TRRAP: variants seen among roughly 807,000 people sequenced by gnomAD.
TRRAP encodes the protein transformation/transcription domain associated protein.
In TRRAP, 41 loss-of-function variants were observed where a neutral mutation model predicts 438.8. The observed-to-expected ratio is 0.09, with a 90% CI of 0.07 to 0.12. The LOEUF is 0.12. TRRAP is among the 10% of genes least tolerant of loss of function. The probability of loss-of-function intolerance (pLI) is 1.00; values close to 1 mark genes in which losing one functional copy is unlikely to be tolerated. For missense variants in TRRAP, 3,122 were observed against 5,055.1 expected (o/e 0.62, Z 11.60); for synonymous variants, 1,994 against 1,962.9 (o/e 1.02, Z -0.42).
chr7:98,880,283 A>G (rs1795369026), intron 1 of TRRAP, among the ~76,000 whole-genome samples: 2 of 35,300 alleles, frequency 5.7e-5, no homozygotes, highest in Non-Finnish European at 1.3e-4. Context: ...TTTTTTTCCG[A>G]GACTGAACCT....
At position 98,933,261 on chromosome 7, in the gene TRRAP, C is replaced by T. The variant is rs376448847; in HGVS notation, c.3873C>T (p.Pro1291=). 5.0e-5 allele frequency: 81 copies of T among 1,613,512 alleles called. No individual in the cohort carries two copies. In the African/African-American group the frequency reaches 8.4e-4, roughly 17 times the overall value. ...PHKEVLQDMV[P]PKKHLLRHQP... The stretch of plus-strand genomic sequence containing the variant: ...CCCAGGTCCTGCAGGATATGGTCCC[C>T]CCTAAGAAGCACCTGCTCCGACACC... The change falls in exon 27 of 73, where the codon CCC becomes CCT. Residue 1291 remains proline (P), a synonymous_variant. Transcript: ENST00000456197.
chr7:98,997,514 T>TAAAAAAAAAAAA (rs1793725709), intron 67 of TRRAP, among the ~76,000 whole-genome samples: 1 of 83,054 alleles, frequency 1.2e-5, no homozygotes, highest in East Asian at 5.2e-4. Context: ...AAAAAAAAAT[T>TAAAAAAAAAAAA]AGAGTAGGAA....
At position 98,931,703 on chromosome 7, in the gene TRRAP, A is replaced by G. The variant is rs17161515; in HGVS notation, c.3852+38A>G. On this transcript the variant is annotated intron_variant, in intron 26 of 72. Coordinates refer to ENST00000456197, the MANE Select transcript of TRRAP (RefSeq NM_001375524.1). ...TCACCAGAACCAAGGTAATTTCAAC[A>G]AAACTTTTGAGCCTTTTTTTTAAAT... 11,420 of 1,589,136 alleles carry G rather than the reference A, an allele frequency of 7.2e-3. 627 individuals are homozygous for G. In the African/African-American group the frequency reaches 0.13, roughly 18 times the overall value.
intron 18 of TRRAP, among the ~76,000 whole-genome samples, chr7:98,914,512 C>G (rs782323343): frequency 1.3e-5 from 2 of 151,528 alleles, no homozygotes; most frequent in Non-Finnish European, 2.9e-5. Context: ...CTATGCAGAA[C>G]AACAGCAAAA....
At chr7:98,900,909 C>A (rs1481767779) in intron 11 of TRRAP, among the ~76,000 whole-genome samples, 189 bp downstream of exon 11, 1 of 152,180 alleles carries the variant, frequency 6.6e-6, no homozygotes, top group Non-Finnish European at 1.5e-5. Flanking sequence ...TTCTTCCCAC[C>A]ACCTCCATTC....
chr7:98,970,751 A>G (rs1224943897), intron 52 of TRRAP, among the ~76,000 whole-genome samples: 1 of 152,204 alleles, frequency 6.6e-6, no homozygotes, highest in South Asian at 2.1e-4. Context: ...TGTTCATTAC[A>G]GAAAGCGCTG....
At chr7:98,917,782 C>T in intron 20 of TRRAP, 103 bp downstream of exon 20, 1 of 1,420,766 alleles carries the variant, frequency 7.0e-7, no homozygotes, top group Non-Finnish European at 9.4e-7. Flanking sequence ...TGGACCAGTG[C>T]AGCTCTCTGT....
chr7:98,986,168 ATT>A (rs1562972094), intron 62 of TRRAP, among the ~76,000 whole-genome samples: 1 of 151,968 alleles, frequency 6.6e-6, no homozygotes, highest in East Asian at 1.9e-4. Context: ...ATATCCATAC[ATT>A]TTGTTTATCC....
chr7:98,953,440 T>C lies in TRRAP; in HGVS notation c.5730+7T>C. 1 of 1,606,552 alleles carries C rather than the reference T, an allele frequency of 6.2e-7. No homozygotes were observed. Among genetic ancestry groups the C allele is most frequent in the Non-Finnish European group, 8.5e-7 (1 of 1,178,810 alleles). ...CAAGAAGATCGTCCTGCAGGTATTTTGCAAGCCCCTCCTGTCCGCCGACAT... is the reference window on the plus strand; with the variant it reads ...CAAGAAGATCGTCCTGCAGGTATTTCGCAAGCCCCTCCTGTCCGCCGACAT... On this transcript the variant is annotated splice_region_variant and intron_variant, in intron 40 of 72. Coordinates refer to ENST00000456197, the MANE Select transcript of TRRAP (RefSeq NM_001375524.1).
At position 98,888,748 on chromosome 7, in the gene TRRAP, C is replaced by T. The variant is rs572336535; in HGVS notation, c.151-1587C>T. ...TGTCACTTCAGGAAGGTGTCCTCCGCCCTTGGTTACATTTAGTAAATGATG... is the reference window on the plus strand; with the variant it reads ...TGTCACTTCAGGAAGGTGTCCTCCGTCCTTGGTTACATTTAGTAAATGATG... On this transcript the variant is annotated intron_variant, in intron 3 of 72. Coordinates refer to ENST00000456197, the MANE Select transcript of TRRAP (RefSeq NM_001375524.1). Among the ~76,000 whole-genome samples the T allele has an allele frequency of 2.6e-5, 4 of 152,274 alleles. No individual in the cohort carries two copies. In the South Asian group the frequency reaches 8.3e-4, roughly 32 times the overall value.
At chr7:98,983,503 A>G (rs1793021580) in intron 60 of TRRAP, 44 bp downstream of exon 60, 2 of 1,608,292 alleles carry the variant, frequency 1.2e-6, no homozygotes, top group Non-Finnish European at 1.7e-6. Flanking sequence ...GTAATTTTCC[A>G]GACGCCCCAC....
chr7:99,006,595 G>A (rs1794173157), intron 69 of TRRAP, among the ~76,000 whole-genome samples: 1 of 152,172 alleles, frequency 6.6e-6, no homozygotes, highest in African/African-American at 2.4e-5. Flanking sequence ...TGGCTTAACT[G>A]ACATTAGACA....
At chr7:98,951,126 C>G (rs1791320467) in intron 39 of TRRAP, 122 bp downstream of exon 39, 3 of 1,170,038 alleles carry the variant, frequency 2.6e-6, no homozygotes, top group East Asian at 5.8e-5. Flanking sequence ...GTTTGTTCCG[C>G]CAACACGTTT....
intron 67 of TRRAP, among the ~76,000 whole-genome samples, chr7:99,000,201 G>GT (rs1356066145): frequency 1.3e-5 from 2 of 152,068 alleles, no homozygotes; most frequent in Non-Finnish European, 2.9e-5. Flanking sequence ...TACAGGTGGG[G>GT]TTTCACTACG....
chr7:98,931,528 C>T lies in TRRAP; in HGVS notation c.3715C>T (p.His1239Tyr), dbSNP rs1554412897. The change falls in exon 26 of 73, where the codon CAC becomes TAC. Residue 1239 changes from histidine (H) to tyrosine (Y), a missense_variant. This residue lies in a region of TRRAP where 153 missense variants were observed against 223.0 expected (regional missense o/e 0.69). Coordinates refer to ENST00000456197, the MANE Select transcript of TRRAP (RefSeq NM_001375524.1). ...CGTGGCCGCCCAGGAAAAGTCTTTC[C>T]ACCATGTGACACACGACTTGGTTCG... ...EIVAAQEKSF[H>Y]HVTHDLVREV... The T allele has an allele frequency of 2.5e-6, 4 of 1,614,028 alleles. No homozygotes were observed. Among genetic ancestry groups the T allele is most frequent in the Non-Finnish European group, 2.5e-6 (3 of 1,180,018 alleles).
rs190908202 is a variant in TRRAP, at chr7:98,921,945, A to G, written c.2815A>G (p.Met939Val). 17 of 1,614,190 alleles carry G rather than the reference A, an allele frequency of 1.1e-5. No homozygotes were observed. Among genetic ancestry groups the G allele is most frequent in the South Asian group, 1.1e-5 (1 of 91,088 alleles). ...CTGCAAAGCTTCTCTCCAGCTCCCC[A>G]TGGAGAAGGTAAGCTCTGTGACAAT... is the stretch of plus-strand genomic sequence containing the variant. ...SDCKASLQLP[M>V]EKAIETALDC... Residue 939 changes from methionine (M) to valine (V), a missense_variant, in exon 21 of 73, where the codon ATG (methionine) becomes GTG (valine). Met to Val is a conservative substitution (Grantham distance 21). Transcript: ENST00000456197.
Position 98,967,115 on chromosome 7 carries a change from C to T in TRRAP, c.7251C>T (p.Asp2417=). The change falls in exon 50 of 73, where the codon GAC becomes GAT. Residue 2417 remains aspartate, a synonymous_variant. Coordinates refer to ENST00000456197, the MANE Select transcript of TRRAP (RefSeq NM_001375524.1). Reference sequence around the variant, plus strand: ...ACATAGAAAAACGCTTTCCGGAAGACCTTGAATTAAATGCCCAGTTTTTAG... The same window carrying T: ...ACATAGAAAAACGCTTTCCGGAAGATCTTGAATTAAATGCCCAGTTTTTAG... The part of the protein sequence containing the change: ...MTYIEKRFPE[D]LELNAQFLDL... 1 of 1,614,072 alleles carries T rather than the reference C, an allele frequency of 6.2e-7. No individual in the cohort carries two copies. The highest frequency in any genetic ancestry group is 8.5e-7 in the Non-Finnish European group (1 of 1,179,988).
chr7:98,930,979 G>A, intron 25 of TRRAP, 149 bp downstream of exon 25: 2 of 1,088,960 alleles, frequency 1.8e-6, no homozygotes, highest in South Asian at 3.2e-5. Context: ...TCACTAAAAG[G>A]ACAGCTCAGA....
At chr7:98,936,273 G>C (rs1166172335) in intron 28 of TRRAP, among the ~76,000 whole-genome samples, 1 of 152,154 alleles carries the variant, frequency 6.6e-6, no homozygotes, top group Admixed American at 6.5e-5. Context: ...TCTTTCTTGA[G>C]TTAGAGGTGG....
Sources: allele counts gnomAD v4.1 joint callset (sites outside exome capture counted in the v4.1 genomes callset), GRCh38; gene constraint gnomAD v4.1.1; regional missense constraint gnomAD v4.1.1; transcripts MANE v1.5; gene names NCBI Gene and HGNC (gene_info 2026-07-23, HGNC 2026-07-21).